NCKAP5: variants seen among roughly 807,000 people sequenced by gnomAD.
The protein encoded by NCKAP5 is NCK associated protein 5, also known as nck-associated protein 5.
A neutral mutation model predicts 167.0 loss-of-function variants in NCKAP5; 92 were observed. The observed-to-expected ratio is 0.55, with a 90% CI of 0.47 to 0.66. The LOEUF (loss-of-function observed/expected upper bound fraction) is 0.66. Among genes scored for constraint, NCKAP5 ranks in the 30% least tolerant of loss-of-function variants. The pLI is 0.00. For missense variants in NCKAP5, 2,378 were observed against 2,315.0 expected (o/e 1.03, Z -0.56); for synonymous variants, 891 against 877.4 (o/e 1.02, Z -0.27).
chr2:132,855,070 C>T (rs1437028957), intron 11 of NCKAP5, among the ~76,000 whole-genome samples: 1 of 152,086 alleles, frequency 6.6e-6, no homozygotes, highest in Non-Finnish European at 1.5e-5. Flanking sequence ...TCTTTCTTGT[C>T]TTTTGTATAG....
chr2:133,539,287 C>T (rs1472180926), intron 2 of NCKAP5, among the ~76,000 whole-genome samples: 3 of 151,992 alleles, frequency 2.0e-5, no homozygotes, highest in African/African-American at 7.3e-5. Context: ...CTCATAAAAC[C>T]TAGTTCTAGT....
At chr2:132,705,015 C>T (rs1688222496) in intron 19 of NCKAP5, among the ~76,000 whole-genome samples, 1 of 152,174 alleles carries the variant, frequency 6.6e-6, no homozygotes, top group Admixed American at 6.5e-5. Context: ...ACTTAACTCT[C>T]AGTTGACAAT....
chr2:133,656,771 T>C, the NCKAP5 span, among the ~76,000 whole-genome samples: 1 of 152,294 alleles, frequency 6.6e-6, no homozygotes, highest in South Asian at 2.1e-4. Context: ...TTTATTTCAT[T>C]ATTATTATTT....
rs994848730 is a variant in NCKAP5 at position 133,091,022 on chromosome 2, C to A, written c.341+38956G>T. On this transcript the variant is annotated intron_variant, in intron 6 of 19. Coordinates refer to ENST00000409261, the MANE Select transcript of NCKAP5 (RefSeq NM_207363.3). ...CTGTTCTTGTGATGGTGAGTGAGTT[C>A]TCACACGATCTGGTTATTTAAAGGT... Among the ~76,000 whole-genome samples, 6 of 152,036 alleles carry A rather than the reference C, an allele frequency of 3.9e-5. No individual in the cohort carries two copies. The South Asian group carries it at 1.0e-3, about 26-fold the overall frequency.
intron 2 of NCKAP5, among the ~76,000 whole-genome samples, chr2:133,528,811 C>T (rs866858294): frequency 3.9e-5 from 6 of 152,326 alleles, no homozygotes; most frequent in East Asian, 1.9e-4. Context: ...CCCATCAGTA[C>T]GGTTACTGCT....
chr2:132,673,766 A>T (rs2104959171), intron 19 of NCKAP5, among the ~76,000 whole-genome samples: 1 of 152,314 alleles, frequency 6.6e-6, no homozygotes, highest in African/African-American at 2.4e-5. Flanking sequence ...AATACATGTT[A>T]AGCTTGTTAG....
intron 6 of NCKAP5, among the ~76,000 whole-genome samples, chr2:133,001,962 A>G (rs2077797439): frequency 6.6e-6 from 1 of 152,204 alleles, no homozygotes; most frequent in Non-Finnish European, 1.5e-5. Context: ...TTAGGTATTA[A>G]AAGTAATCTT....
chr2:133,391,178 G>A (rs192429713), intron 3 of NCKAP5: 2 of 152,318 alleles, frequency 1.3e-5, no homozygotes, highest in East Asian at 3.9e-4. Context: ...CTTGTTTGGA[G>A]GTTCTAGCAG....
At chr2:133,556,408 A>G (rs1170669446) in intron 2 of NCKAP5, among the ~76,000 whole-genome samples, 1 of 152,172 alleles carries the variant, frequency 6.6e-6, no homozygotes, top group African/African-American at 2.4e-5. Flanking sequence ...ACCTCTGATC[A>G]TTCATTTGGA....
chr2:133,417,572 A>T (rs1689200364), intron 3 of NCKAP5, among the ~76,000 whole-genome samples: 1 of 152,170 alleles, frequency 6.6e-6, no homozygotes, highest in Admixed American at 6.5e-5. Context: ...AGGGGTTGGG[A>T]TGGGAGCCCC....
At chr2:132,953,576 A>T (rs530294091) in intron 8 of NCKAP5, among the ~76,000 whole-genome samples, 2 of 152,040 alleles carry the variant, frequency 1.3e-5, no homozygotes, top group Admixed American at 6.6e-5. Context: ...TAATTCCAGC[A>T]TCCAGCAGGA....
At position 133,518,344 on chromosome 2, in the gene NCKAP5, ATTTTT is replaced by A. The variant is rs751025050; in HGVS notation, c.-61-762_-61-758del. The stretch of plus-strand genomic sequence containing the variant: ...TAAAAGAAATGGGTTACAGTAAAGG[ATTTTT>A]TTTTTTTTTTTTTTTTTTTTTTTGG... On this transcript the variant is annotated intron_variant, in intron 2 of 19. Transcript: ENST00000409261. Among the ~76,000 whole-genome samples the A allele has an allele frequency of 6.2e-4, 46 of 74,640 alleles. 2 individuals carry two copies. The highest frequency in any genetic ancestry group is 1.6e-3 in the African/African-American group (33 of 20,936). The allele number at this position is 74,640 out of a possible 152,430, so 49.0% of individuals were successfully genotyped here. A position where few individuals can be genotyped will look rare whatever the true frequency, so the allele number is the denominator to read the frequency against.
At chr2:133,656,300 G>A in the NCKAP5 span, among the ~76,000 whole-genome samples, 35 of 152,142 alleles carry the variant, frequency 2.3e-4, no homozygotes, top group Admixed American at 5.2e-4. Flanking sequence ...ATCTTTTGAG[G>A]AGAAAATTAG....
At chr2:132,799,042 A>G (rs1684820522) in intron 11 of NCKAP5, among the ~76,000 whole-genome samples, 1 of 152,184 alleles carries the variant, frequency 6.6e-6, no homozygotes, top group Admixed American at 6.5e-5. Context: ...GAAATATGGT[A>G]CATATATACC....
At chr2:132,864,039 G>A (rs1443519917) in intron 10 of NCKAP5, among the ~76,000 whole-genome samples, 1 of 152,212 alleles carries the variant, frequency 6.6e-6, no homozygotes, top group Non-Finnish European at 1.5e-5. Flanking sequence ...CTGGATGCAA[G>A]AGCAGCTACT....
chr2:133,575,980 GT>G, the NCKAP5 span, among the ~76,000 whole-genome samples: 1 of 152,242 alleles, frequency 6.6e-6, no homozygotes, highest in Admixed American at 6.5e-5. Flanking sequence ...CTATGCCTCA[GT>G]AGTTCCCTCC....
rs530643522 is a variant in NCKAP5 at position 132,842,637 on chromosome 2, C to A, written c.807+17855G>T. 8.5e-5 allele frequency among the ~76,000 whole-genome samples: 13 copies of A among 152,172 alleles called. No individual in the cohort carries two copies. The South Asian group carries it at 2.3e-3, about 27-fold the overall frequency. On this transcript the variant is annotated intron_variant, in intron 11 of 19. Coordinates refer to ENST00000409261, the MANE Select transcript of NCKAP5 (RefSeq NM_207363.3). ...GCACCATCATGGCTCACTGCCTCAA[C>A]CTCCTGGGCTCCAATCCTCCCACTT...
At chr2:133,181,698 A>G (rs889421893) in intron 5 of NCKAP5, among the ~76,000 whole-genome samples, 2 of 151,022 alleles carry the variant, frequency 1.3e-5, no homozygotes, top group Non-Finnish European at 2.9e-5. Flanking sequence ...GGATTGCTTG[A>G]CCCTCGGAGG....
chr2:133,651,987 A>G, the NCKAP5 span, among the ~76,000 whole-genome samples: 2 of 152,282 alleles, frequency 1.3e-5, no homozygotes, highest in South Asian at 4.1e-4. Context: ...ACTACTGGAG[A>G]CATTTTCAGA....
Sources: gnomAD v4.1 joint callset for allele counts (sites outside exome capture counted in the v4.1 genomes callset) on GRCh38, gnomAD v4.1.1 for gene constraint, MANE v1.5 for transcripts, NCBI Gene and HGNC (gene_info 2026-07-23, HGNC 2026-07-21) for gene names.